MAGI2: variants seen among roughly 807,000 people sequenced by gnomAD.
The protein encoded by MAGI2 is membrane associated guanylate kinase, WW and PDZ domain containing 2.
A neutral mutation model predicts 133.3 loss-of-function variants in MAGI2; 35 were observed. That is an observed-to-expected ratio of 0.26 (90% confidence interval 0.20 to 0.35). The LOEUF (loss-of-function observed/expected upper bound fraction) is 0.35, where lower values mean the gene tolerates loss of function less well. Ranked by LOEUF, MAGI2 falls within the 10% of genes least tolerant of loss-of-function variation. The pLI is 1.00. For synonymous variants in MAGI2, 729 were observed against 710.6 expected (o/e 1.03, Z -0.41); for missense variants, 1,636 against 1,863.4 (o/e 0.88, Z 2.25).
At chr7:79,117,852 G>A (rs1361789197) in intron 1 of MAGI2, among the ~76,000 whole-genome samples, 1 of 152,140 alleles carries the variant, frequency 6.6e-6, no homozygotes, top group East Asian at 1.9e-4. Context: ...ACACATGACT[G>A]TAAAACCCTG....
rs189733137 is a variant in MAGI2, at chr7:79,203,583, A to G, written c.302-196377T>C. ...TTGGTGCTTCAGTAACCACTACACA[A>G]AAATAATTCTGAACAATTAGGCATT... is the stretch of plus-strand genomic sequence containing the variant. On this transcript the variant is annotated intron_variant, in intron 1 of 21. Coordinates refer to ENST00000354212, the MANE Select transcript of MAGI2 (RefSeq NM_012301.4). 8.2e-3 allele frequency among the ~76,000 whole-genome samples: 1,241 copies of G among 152,164 alleles called. 15 individuals carry two copies. The highest frequency in any genetic ancestry group is 0.013 in the Non-Finnish European group (893 of 68,030).
At chr7:78,549,451 C>T (rs940329118) in intron 3 of MAGI2, among the ~76,000 whole-genome samples, 2 of 151,930 alleles carry the variant, frequency 1.3e-5, no homozygotes, top group Non-Finnish European at 2.9e-5. Flanking sequence ...CGATTCCTCA[C>T]AGCATCCATC....
At chr7:79,437,404 G>T (rs1270873491) in intron 1 of MAGI2, among the ~76,000 whole-genome samples, 1 of 151,816 alleles carries the variant, frequency 6.6e-6, no homozygotes, top group Non-Finnish European at 1.5e-5. Flanking sequence ...TATCTTTAAG[G>T]TGTACAGGAT....
At chr7:79,102,117 A>G (rs1309262830) in intron 1 of MAGI2, among the ~76,000 whole-genome samples, 1 of 151,896 alleles carries the variant, frequency 6.6e-6, no homozygotes, top group Non-Finnish European at 1.5e-5. Flanking sequence ...GTTTTGTTTT[A>G]TTTTATTTAT....
chr7:79,013,810 C>G (rs1808419847), intron 1 of MAGI2, among the ~76,000 whole-genome samples: 1 of 152,114 alleles, frequency 6.6e-6, no homozygotes, highest in Admixed American at 6.5e-5. Context: ...CAGTAAAATT[C>G]TCCTTCCCCT....
intron 10 of MAGI2, among the ~76,000 whole-genome samples, chr7:78,242,264 TAGAG>T (rs922505616): frequency 2.0e-5 from 3 of 152,136 alleles, no homozygotes; most frequent in Admixed American, 6.5e-5. Context: ...AGCTGTGAGT[TAGAG>T]AGAGGACCCA....
chr7:79,240,342 G>A (rs1184253293), intron 1 of MAGI2, among the ~76,000 whole-genome samples: 7 of 150,192 alleles, frequency 4.7e-5, no homozygotes. Context: ...AGGAGAAAGT[G>A]GTGGTTTATC....
intron 2 of MAGI2, among the ~76,000 whole-genome samples, chr7:78,815,553 A>G (rs893823381): frequency 6.6e-6 from 1 of 151,882 alleles, no homozygotes; most frequent in African/African-American, 2.4e-5. Flanking sequence ...CTTTTCATGA[A>G]GCAAGTCTAT....
chr7:79,368,616 A>C (rs1001425719), intron 1 of MAGI2, among the ~76,000 whole-genome samples: 2 of 151,980 alleles, frequency 1.3e-5, no homozygotes, highest in African/African-American at 2.4e-5. Context: ...TGGGAGGCCG[A>C]GGCGGGCGGA....
intron 1 of MAGI2, chr7:79,412,533 A>G (rs1248006195): frequency 2.0e-5 from 3 of 152,118 alleles, no homozygotes; most frequent in African/African-American, 7.2e-5. Flanking sequence ...ACAAGAGCTC[A>G]TTTTTGTTGT....
intron 2 of MAGI2, among the ~76,000 whole-genome samples, chr7:78,867,070 G>A (rs1294784229): frequency 6.7e-6 from 1 of 150,042 alleles, no homozygotes; most frequent in African/African-American, 2.5e-5. Flanking sequence ...GGAGAAATAG[G>A]AACACTTTTA....
chr7:79,149,100 T>C (rs1205424384), intron 1 of MAGI2, among the ~76,000 whole-genome samples: 1 of 144,382 alleles, frequency 6.9e-6, no homozygotes, highest in East Asian at 2.0e-4. Context: ...TTATATGTAA[T>C]ATAATATATT....
chr7:78,587,849 G>A (rs1425973426), intron 3 of MAGI2, among the ~76,000 whole-genome samples: 3 of 152,094 alleles, frequency 2.0e-5, no homozygotes, highest in Non-Finnish European at 2.9e-5. Context: ...ATTTATAATC[G>A]TATGTTCATA....
At chr7:79,148,666 G>A (rs952150440) in intron 1 of MAGI2, among the ~76,000 whole-genome samples, 16 of 151,796 alleles carry the variant, frequency 1.1e-4, no homozygotes, top group African/African-American at 3.6e-4. Context: ...TGTGCTTGAG[G>A]TCTCTCTCAG....
At chr7:78,460,426 C>T (rs1789845832) in intron 6 of MAGI2, among the ~76,000 whole-genome samples, 1 of 152,178 alleles carries the variant, frequency 6.6e-6, no homozygotes, top group Non-Finnish European at 1.5e-5. Flanking sequence ...AATTCTAACT[C>T]AGATTTCCAT....
Position 78,882,092 on chromosome 7 carries a change from A to C in MAGI2, c.418+124998T>G, listed in dbSNP as rs375746277. Among the ~76,000 whole-genome samples the C allele has an allele frequency of 4.9e-4, 52 of 106,568 alleles. 1 individual carries two copies. Among genetic ancestry groups the C allele is most frequent in the African/African-American group, 8.0e-4 (24 of 29,942 alleles). The allele number at this position is 106,568 out of a possible 152,430, so 69.9% of individuals were successfully genotyped here. On this transcript the variant is annotated intron_variant, in intron 2 of 21. Coordinates refer to ENST00000354212, the MANE Select transcript of MAGI2 (RefSeq NM_012301.4). ...TTAACAACAACAACAACAACAAAAA[A>C]AAAAAAAAAAAAAAAAGAAAAGAAA...
Position 78,423,676 on chromosome 7 carries a change from T to C in MAGI2, c.1046-54463A>G, listed in dbSNP as rs1584033670. 3.3e-5 allele frequency among the ~76,000 whole-genome samples: 5 copies of C among 152,174 alleles called. 1 individual carries two copies. In the South Asian group the frequency reaches 8.3e-4, roughly 25 times the overall value. On this transcript the variant is annotated intron_variant, in intron 6 of 21. Coordinates refer to ENST00000354212, the MANE Select transcript of MAGI2 (RefSeq NM_012301.4). The stretch of plus-strand genomic sequence containing the variant: ...AGGGACAATAAGGTCCAGGCTGAGG[T>C]GGTCTCAGATAGAGATGAGGAACTT...
At chr7:78,710,990 C>T (rs1302868069) in intron 2 of MAGI2, among the ~76,000 whole-genome samples, 1 of 152,064 alleles carries the variant, frequency 6.6e-6, no homozygotes, top group Non-Finnish European at 1.5e-5. Context: ...ATTAATCTGG[C>T]AATTGAAATC....
chr7:79,431,762 T>C (rs1251206031), intron 1 of MAGI2, among the ~76,000 whole-genome samples: 1 of 152,242 alleles, frequency 6.6e-6, no homozygotes. Context: ...ATTTGGGTAC[T>C]ATAACTGTCT....
Sources: allele counts gnomAD v4.1 joint callset (sites outside exome capture counted in the v4.1 genomes callset), GRCh38; gene constraint gnomAD v4.1.1; transcripts MANE v1.5; gene names NCBI Gene and HGNC (gene_info 2026-07-23, HGNC 2026-07-21).